Variants in MDGA2 observed in about 807,000 individuals in gnomAD.
The protein encoded by MDGA2 is MAM domain containing glycosylphosphatidylinositol anchor 2, also known as MAM domain-containing glycosylphosphatidylinositol anchor protein 2.
In MDGA2, 40 loss-of-function variants were observed where a neutral mutation model predicts 117.8. The observed-to-expected ratio is 0.34, with a 90% CI of 0.26 to 0.44. MDGA2 has a LOEUF of 0.44. Ranked by LOEUF, MDGA2 falls within the 20% of genes least tolerant of loss-of-function variation. The pLI, the probability that MDGA2 is intolerant of heterozygous loss-of-function variation, is 1.00. For synonymous variants in MDGA2, 452 were observed against 439.0 expected, an observed-to-expected ratio of 1.03 and a Z score of -0.37; for missense variants, 1,123 against 1,250.6, an observed-to-expected ratio of 0.90 and a Z score of 1.54.
chr14:47,176,095 G>C (rs1404368096), intron 3 of MDGA2, among the ~76,000 whole-genome samples: 1 of 152,140 alleles, frequency 6.6e-6, no homozygotes, highest in Non-Finnish European at 1.5e-5. Flanking sequence ...ACTTATAAGG[G>C]ATGTGAAGGA....
chr14:46,848,749 C>G (rs1880943074), intron 15 of MDGA2, among the ~76,000 whole-genome samples: 1 of 151,634 alleles, frequency 6.6e-6, no homozygotes, highest in African/African-American at 2.4e-5. Flanking sequence ...TAGTAAACAT[C>G]AGGAAGCGGA....
chr14:46,925,174 T>C (rs1372424207), intron 9 of MDGA2, among the ~76,000 whole-genome samples: 1 of 152,186 alleles, frequency 6.6e-6, no homozygotes, highest in African/African-American at 2.4e-5. Context: ...AAATTGATCT[T>C]GAAAGACATG....
At chr14:47,115,625 T>C (rs1881286722) in intron 5 of MDGA2, among the ~76,000 whole-genome samples, 1 of 152,014 alleles carries the variant, frequency 6.6e-6, no homozygotes, top group Admixed American at 6.6e-5. Context: ...AAATGTATCA[T>C]TCAACATAAG....
At chr14:47,409,930 T>A (rs918891619) in intron 1 of MDGA2, among the ~76,000 whole-genome samples, 11 of 152,090 alleles carry the variant, frequency 7.2e-5, no homozygotes, top group Admixed American at 4.6e-4. Flanking sequence ...CACTGAGGAG[T>A]AAAGTGCAAA....
chr14:46,850,834 C>T (rs577841158), intron 15 of MDGA2, among the ~76,000 whole-genome samples: 7 of 151,758 alleles, frequency 4.6e-5, no homozygotes, highest in Non-Finnish European at 8.9e-5. Flanking sequence ...ACATGAGAGT[C>T]GACTGTTGGG....
chr14:46,943,267 T>A (rs908490945), intron 9 of MDGA2, among the ~76,000 whole-genome samples: 2 of 152,046 alleles, frequency 1.3e-5, no homozygotes. Flanking sequence ...AGTCTTTTTG[T>A]GTCTTTGTAT....
intron 1 of MDGA2, among the ~76,000 whole-genome samples, chr14:47,511,994 T>G (rs1429491682): frequency 1.3e-5 from 2 of 152,094 alleles, no homozygotes; most frequent in Non-Finnish European, 2.9e-5. Flanking sequence ...CTCTAGCCAT[T>G]TTGCATACCT....
intron 2 of MDGA2, among the ~76,000 whole-genome samples, chr14:47,299,111 T>C (rs542592336): frequency 5.8e-4 from 88 of 152,126 alleles, no homozygotes; most frequent in African/African-American, 2.0e-3. Flanking sequence ...TCAAAACACC[T>C]TGAAATGTTT....
In MDGA2 at chr14:46,974,974, A is replaced by T. The variant is rs113965966; in HGVS notation, c.1820-17331T>A. Among the ~76,000 whole-genome samples the T allele has an allele frequency of 9.8e-3, 1,492 of 152,190 alleles. 10 individuals are homozygous for T. Among genetic ancestry groups the T allele is most frequent in the Non-Finnish European group, 0.014 (938 of 67,996 alleles). On this transcript the variant is annotated intron_variant, in intron 8 of 16. Coordinates refer to ENST00000399232, the MANE Select transcript of MDGA2 (RefSeq NM_001113498.3). ...GATTTATGATAAGCAATTAGTATGG[A>T]GAATGGATAAAAACTCCTAAAACTC... is the stretch of plus-strand genomic sequence containing the variant.
Position 47,469,877 on chromosome 14 carries a change from AG to A in MDGA2, c.281-168328del, listed in dbSNP as rs1396817364. Among the ~76,000 whole-genome samples the A allele has an allele frequency of 4.6e-5, 7 of 152,144 alleles. No individual in the cohort carries two copies. In the East Asian group the frequency reaches 1.4e-3, roughly 29 times the overall value. ...GGTGTCAGCACTTTCATGTTATATT[AG>A]AAGGGCAGCCTGAAAGCTAAAATCT... On this transcript the variant is annotated intron_variant, in intron 1 of 16. Transcript: ENST00000399232.
intron 10 of MDGA2, among the ~76,000 whole-genome samples, chr14:46,883,750 C>G (rs902563786): frequency 3.3e-5 from 5 of 151,968 alleles, no homozygotes; most frequent in South Asian, 2.1e-4. Flanking sequence ...GATGAGATAA[C>G]AGGTAATCCA....
chr14:47,540,626 T>C (rs2138754752), intron 1 of MDGA2, among the ~76,000 whole-genome samples: 1 of 150,444 alleles, frequency 6.6e-6, no homozygotes, highest in Admixed American at 6.7e-5. Context: ...GTTCAGTGTG[T>C]GCTCATAGCT....
intron 9 of MDGA2, among the ~76,000 whole-genome samples, chr14:46,956,489 T>G (rs1456205772): frequency 6.6e-6 from 1 of 152,130 alleles, no homozygotes; most frequent in Non-Finnish European, 1.5e-5. Context: ...TTTCTTGGAA[T>G]ATTTGTAAAC....
Position 47,286,835 on chromosome 14 carries a change from A to ATATG in MDGA2, c.420+14575_420+14576insCATA, listed in dbSNP as rs1454579166. Among the ~76,000 whole-genome samples the ATATG allele has an allele frequency of 5.2e-3, 600 of 116,470 alleles. 8 individuals carry two copies. The highest frequency in any genetic ancestry group is 0.038 in the East Asian group (152 of 3,962). 76.4% of individuals were successfully genotyped at this position (116,470 alleles called of 152,430 possible). A position where few individuals can be genotyped will look rare whatever the true frequency, so the allele number is the denominator to read the frequency against. On this transcript the variant is annotated intron_variant, in intron 2 of 16. Transcript: ENST00000399232. The stretch of plus-strand genomic sequence containing the variant: ...TATATATATATATATACATATATAT[A>ATATG]TGTATATATATATATACTTTACTAT...
chr14:46,915,976 C>T (rs1212966565), intron 10 of MDGA2, among the ~76,000 whole-genome samples: 1 of 152,102 alleles, frequency 6.6e-6, no homozygotes, highest in East Asian at 1.9e-4. Flanking sequence ...GTCTACAAAC[C>T]TCACTTCCAG....
At chr14:47,554,865 G>C (rs763525878) in intron 1 of MDGA2, among the ~76,000 whole-genome samples, 1 of 152,098 alleles carries the variant, frequency 6.6e-6, no homozygotes, top group Non-Finnish European at 1.5e-5. Flanking sequence ...TTCACCACTA[G>C]CTGTTATGGA....
chr14:47,425,165 T>C (rs1302684628), intron 1 of MDGA2, among the ~76,000 whole-genome samples: 2 of 152,190 alleles, frequency 1.3e-5, no homozygotes, highest in South Asian at 2.1e-4. Context: ...TGTGAAATCC[T>C]TGTCCTTGAA....
intron 8 of MDGA2, among the ~76,000 whole-genome samples, chr14:46,967,988 C>T (rs1886103878): frequency 6.6e-6 from 1 of 152,088 alleles, no homozygotes; most frequent in South Asian, 2.1e-4. Flanking sequence ...CACAACCCCA[C>T]CAATGACTTC....
chr14:47,063,191 G>A (rs1889956352), intron 6 of MDGA2, among the ~76,000 whole-genome samples: 1 of 152,006 alleles, frequency 6.6e-6, no homozygotes, highest in Non-Finnish European at 1.5e-5. Flanking sequence ...TCAGAGGACA[G>A]CCTCCCTGAA....
Sources: allele counts gnomAD v4.1 joint callset (sites outside exome capture counted in the v4.1 genomes callset), GRCh38; gene constraint gnomAD v4.1.1; transcripts MANE v1.5; gene names NCBI Gene and HGNC (gene_info 2026-07-23, HGNC 2026-07-21).